The following MYO10 variants were observed in gnomAD, a reference collection of about 807,000 sequenced individuals.
The protein encoded by MYO10 is unconventional myosin-X.
A neutral mutation model predicts 257.3 loss-of-function variants in MYO10; 133 were observed. The observed-to-expected ratio is 0.52, with a 90% CI of 0.45 to 0.60. The LOEUF is 0.60. MYO10 is among the 20% of genes least tolerant of loss of function. The pLI, the probability that MYO10 is intolerant of heterozygous loss-of-function variation, is 0.00. For missense variants in MYO10, 2,399 were observed against 2,635.7 expected (o/e 0.91, Z 1.97); for synonymous variants, 1,104 against 1,028.6 (o/e 1.07, Z -1.40).
At position 16,666,559 on chromosome 5, in the gene MYO10, C is replaced by G; in HGVS notation, c.*133G>C. The G allele has an allele frequency of 1.5e-6, 1 of 682,084 alleles. No homozygotes were observed. Among genetic ancestry groups the G allele is most frequent in the Non-Finnish European group, 2.4e-6 (1 of 413,250 alleles). 42.3% of individuals were successfully genotyped at this position (682,084 alleles called of 1,614,324 possible). A position where few individuals can be genotyped will look rare whatever the true frequency, so the allele number is the denominator to read the frequency against. On this transcript the variant is annotated 3_prime_UTR_variant, in exon 41 of 41. Transcript: ENST00000513610. ...GGCAAAAGGATCCTCGGAGACACCT[C>G]CCTCAGACCAGAAGCTTCCAGAAAG...
At chr5:16,915,515 A>G (rs1244948657) in intron 1 of MYO10, among the ~76,000 whole-genome samples, 1 of 152,230 alleles carries the variant, frequency 6.6e-6, no homozygotes, top group Non-Finnish European at 1.5e-5. Context: ...TCATGGTCTC[A>G]GTAATGGCAG....
intron 19 of MYO10, among the ~76,000 whole-genome samples, chr5:16,724,193 G>C (rs551794275): frequency 6.6e-6 from 1 of 152,158 alleles, no homozygotes; most frequent in Non-Finnish European, 1.5e-5. Flanking sequence ...GAAACATATA[G>C]AGTCTATAAG....
intron 2 of MYO10, among the ~76,000 whole-genome samples, chr5:16,821,999 AG>A (rs1742834753): frequency 6.6e-6 from 1 of 151,754 alleles, no homozygotes; most frequent in African/African-American, 2.4e-5. Context: ...AAAAAAGAAT[AG>A]TAGAGAAAAA....
intron 2 of MYO10, among the ~76,000 whole-genome samples, chr5:16,846,435 C>T (rs1046052889): frequency 1.1e-4 from 16 of 152,222 alleles, no homozygotes; most frequent in African/African-American, 3.6e-4. Context: ...AAGGCTAACA[C>T]CTGGGCCCGC....
In MYO10 at chr5:16,750,994, TCAAA is replaced by T. The variant is rs369394471; in HGVS notation, c.1929+3830_1929+3833del. Among the ~76,000 whole-genome samples the T allele has an allele frequency of 3.9e-3, 586 of 152,136 alleles. 3 individuals carry two copies. The highest frequency in any genetic ancestry group is 0.013 in the African/African-American group (550 of 41,504). ...TGGGTAACAAGAGCAAAACTCTGTC[TCAAA>T]CAAACAAACAAACAAACAAAAAACT... On this transcript the variant is annotated intron_variant, in intron 19 of 40. Transcript: ENST00000513610.
In MYO10 at chr5:16,899,166, G is replaced by A. The variant is rs576613024; in HGVS notation, c.22-21459C>T. 2.2e-3 allele frequency among the ~76,000 whole-genome samples: 336 copies of A among 149,532 alleles called. 2 individuals are homozygous for A. Among genetic ancestry groups the A allele is most frequent in the Non-Finnish European group, 3.7e-3 (247 of 67,590 alleles). The stretch of plus-strand genomic sequence containing the variant: ...AAAAAAAAAAAAAGTGCTAGCGTGT[G>A]AGCAAAGATAACAGACACAAATGCA... On this transcript the variant is annotated intron_variant, in intron 1 of 40. Transcript: ENST00000513610.
At position 16,702,936 on chromosome 5, in the gene MYO10, C is replaced by T; in HGVS notation, c.2499G>A (p.Glu833=). 1 of 1,551,348 alleles carries T rather than the reference C, an allele frequency of 6.4e-7. No homozygotes were observed. The change falls in exon 23 of 41, where the codon GAG becomes GAA. Residue 833 remains glutamate (E), a synonymous_variant. Transcript: ENST00000513610. ...KQEEEEKKKR[E]EEERERERER... ...GAAAGGTACTGTACCTTTCTTCTTC[C>T]TCCCGTTTCTTCTTTTCTTCCTCTT...
rs1028837872 is a variant in MYO10, at chr5:16,683,866, A to G, written c.4046+14T>C. Reference sequence around the variant, plus strand: ...TGATGAGCTGTTTTTGTTAAGAGCCACATCTGAGCTTACCTATCAGGGCTG... The same window carrying G: ...TGATGAGCTGTTTTTGTTAAGAGCCGCATCTGAGCTTACCTATCAGGGCTG... On this transcript the variant is annotated intron_variant, in intron 30 of 40. Transcript: ENST00000513610. 3.1e-6 allele frequency: 5 copies of G among 1,613,538 alleles called. No individual in the cohort carries two copies. The highest frequency in any genetic ancestry group is 1.7e-5 in the Admixed American group (1 of 59,988).
chr5:16,824,703 C>T (rs1370833604), intron 2 of MYO10, among the ~76,000 whole-genome samples: 1 of 152,064 alleles, frequency 6.6e-6, no homozygotes, highest in African/African-American at 2.4e-5. Flanking sequence ...CCTGTCTCTA[C>T]TAAAAATACA....
chr5:16,675,864 G>C (rs1736698329), intron 34 of MYO10, among the ~76,000 whole-genome samples, 167 bp downstream of exon 34: 1 of 152,174 alleles, frequency 6.6e-6, no homozygotes, highest in South Asian at 2.1e-4. Context: ...CACTCTAGAA[G>C]TCTTGCTTTA....
Position 16,924,810 on chromosome 5 carries a change from T to C in MYO10, c.21+10978A>G, listed in dbSNP as rs527972609. ...ATTTCTATTGGCAGGAGTTATTTGG[T>C]ATCAACTATCACTTTATCACTTTTT... On this transcript the variant is annotated intron_variant, in intron 1 of 40. Coordinates refer to ENST00000513610, the MANE Select transcript of MYO10 (RefSeq NM_012334.3). 5.1e-4 allele frequency among the ~76,000 whole-genome samples: 77 copies of C among 150,552 alleles called. 1 individual carries two copies. Among genetic ancestry groups the C allele is most frequent in the African/African-American group, 1.8e-3 (74 of 41,038 alleles).
At chr5:16,823,752 G>GT (rs1412832254) in intron 2 of MYO10, among the ~76,000 whole-genome samples, 1 of 149,470 alleles carries the variant, frequency 6.7e-6, no homozygotes, top group Non-Finnish European at 1.5e-5. Context: ...GATTACAGGC[G>GT]TGAGCCACTG....
chr5:16,835,277 T>C (rs1366478837), intron 2 of MYO10, among the ~76,000 whole-genome samples: 1 of 151,866 alleles, frequency 6.6e-6, no homozygotes, highest in Non-Finnish European at 1.5e-5. Context: ...GGCTCATGCC[T>C]GTAATCCCAG....
intron 3 of MYO10, among the ~76,000 whole-genome samples, chr5:16,800,730 G>T (rs191258145): frequency 6.6e-6 from 1 of 152,172 alleles, no homozygotes; most frequent in East Asian, 1.9e-4. Context: ...CTTGCCATGC[G>T]CCACCCCCGT....
intron 19 of MYO10, among the ~76,000 whole-genome samples, chr5:16,715,847 GCAGTTCGAGAC>G (rs1388607189): frequency 6.6e-6 from 1 of 152,122 alleles, no homozygotes; most frequent in Admixed American, 6.5e-5. Flanking sequence ...CCTGAGGTCA[GCAGTTCGAGAC>G]CAGCCTGACC....
chr5:16,671,603 A>G (rs763758518), intron 37 of MYO10, 61 bp from the exon 38 acceptor site: 311 of 1,599,454 alleles, frequency 1.9e-4, no homozygotes, highest in Non-Finnish European at 2.6e-4. Context: ...AGTGACCCGC[A>G]GGGACCTGAC....
chr5:16,719,107 C>T (rs1579900616), intron 19 of MYO10, among the ~76,000 whole-genome samples: 1 of 150,258 alleles, frequency 6.7e-6, no homozygotes, highest in South Asian at 2.1e-4. Flanking sequence ...TTTGGGTCCA[C>T]GCTGCTTTTA....
chr5:16,794,489 GA>G (rs1560988253), intron 4 of MYO10, among the ~76,000 whole-genome samples, 156 bp downstream of exon 4: 1 of 151,970 alleles, frequency 6.6e-6, no homozygotes, highest in Non-Finnish European at 1.5e-5. Flanking sequence ...TCTGAAAGCT[GA>G]AGTTACCATG....
intron 27 of MYO10, among the ~76,000 whole-genome samples, chr5:16,692,497 G>C (rs1177923302): frequency 6.6e-6 from 1 of 152,116 alleles, no homozygotes; most frequent in Non-Finnish European, 1.5e-5. Flanking sequence ...GATAATATTA[G>C]GAGCTAACAT....
Sources: allele counts gnomAD v4.1 joint callset (sites outside exome capture counted in the v4.1 genomes callset), GRCh38; gene constraint gnomAD v4.1.1; transcripts MANE v1.5; gene names NCBI Gene and HGNC (gene_info 2026-07-23, HGNC 2026-07-21).